Variants in FNTB observed in about 807,000 individuals in gnomAD.
FNTB encodes the protein protein farnesyltransferase subunit beta.
A neutral mutation model predicts 59.4 loss-of-function variants in FNTB; 27 were observed. The ratio of observed to expected loss-of-function variants is 0.45; its 90% CI spans 0.34 to 0.63. The LOEUF (loss-of-function observed/expected upper bound fraction) is 0.63. Ranked by LOEUF, FNTB falls within the 20% of genes least tolerant of loss-of-function variation. The probability of loss-of-function intolerance (pLI) is 0.02; values close to 1 mark genes in which losing one functional copy is unlikely to be tolerated. For synonymous variants in FNTB, 230 were observed against 220.7 expected (o/e 1.04, Z -0.37); for missense variants, 449 against 559.6 (o/e 0.80, Z 1.99).
At chr14:65,006,266 T>C (rs2139487469) in intron 2 of FNTB, 1 of 1,612,118 alleles carries the variant, frequency 6.2e-7, no homozygotes, top group Non-Finnish European at 8.5e-7. Flanking sequence ...GGTGGGAGGG[T>C]TAACTTCATC....
intron 1 of FNTB, among the ~76,000 whole-genome samples, chr14:65,000,052 T>A (rs1342810232): frequency 6.6e-6 from 1 of 152,194 alleles, no homozygotes; most frequent in African/African-American, 2.4e-5. Context: ...GATTAAGGAG[T>A]TCCTGGCTGG....
rs2061679005 is a variant in FNTB at position 65,011,290 on chromosome 14, G to A, written c.210-1027G>A. Reference sequence around the variant, plus strand: ...CTAAAAATACAAAAATTAGCTGGGTGTGGTGGCACGTGCCTGTAATCCCAG... The same window carrying A: ...CTAAAAATACAAAAATTAGCTGGGTATGGTGGCACGTGCCTGTAATCCCAG... On this transcript the variant is annotated intron_variant, in intron 2 of 11. Coordinates refer to ENST00000246166, the MANE Select transcript of FNTB (RefSeq NM_002028.4). This position sits in a 1 kb window ranked among gnomAD's most constrained non-coding sequence, Gnocchi z 4.0. Among the ~76,000 whole-genome samples, 1 of 152,118 alleles carries A rather than the reference G, an allele frequency of 6.6e-6. No individual in the cohort carries two copies. The highest frequency in any genetic ancestry group is 1.5e-5 in the Non-Finnish European group (1 of 68,016).
chr14:65,032,976 G>C lies in FNTB; in HGVS notation c.692+280G>C, dbSNP rs1018949459. On this transcript the variant is annotated intron_variant, in intron 7 of 11. Transcript: ENST00000246166. This position sits in a 1 kb window ranked among gnomAD's most constrained non-coding sequence, Gnocchi z 5.0. ...ATTTAACCAGTTTTTAGAGCAATTTGACAGTATGTCAAAGGTGCCCTTGCG... is the reference window on the plus strand; with the variant it reads ...ATTTAACCAGTTTTTAGAGCAATTTCACAGTATGTCAAAGGTGCCCTTGCG... 6.6e-6 allele frequency among the ~76,000 whole-genome samples: 1 copy of C among 152,298 alleles called. No individual in the cohort carries two copies. The highest frequency in any genetic ancestry group is 3.4e-3 in the Middle Eastern group (1 of 294).
chr14:64,995,770 CGT>C (rs1566860910), intron 1 of FNTB, among the ~76,000 whole-genome samples: 1 of 149,966 alleles, frequency 6.7e-6, no homozygotes, highest in East Asian at 2.0e-4. Context: ...TGTATATGTA[CGT>C]ATGTATGTAT....
chr14:64,986,999 T>C lies in FNTB; in HGVS notation c.46T>C (p.Ser16Pro), dbSNP rs1322995440. The change falls in exon 1 of 12, where the codon TCC (serine) becomes CCC (proline). Residue 16 changes from serine (S) to proline (P), a missense_variant. Ser to Pro is a moderately conservative substitution (Grantham distance 74). Transcript: ENST00000246166. ...SFTYYCPPSSSPVWSEPLYSL... is the reference protein window; with the variant it reads ...SFTYYCPPSSPPVWSEPLYSL... The stretch of plus-strand genomic sequence containing the variant: ...CACCTACTATTGCCCTCCATCTTCC[T>C]CCCCCGTCTGGTCAGAGCCGCTGTA... 6.2e-7 allele frequency: 1 copy of C among 1,614,078 alleles called. No individual in the cohort carries two copies.
At position 65,015,651 on chromosome 14, in the gene FNTB, C is replaced by T; in HGVS notation, c.309C>T (p.Leu103=). 1 of 1,614,128 alleles carries T rather than the reference C, an allele frequency of 6.2e-7. No homozygotes were observed. The highest frequency in any genetic ancestry group is 8.5e-7 in the Non-Finnish European group (1 of 1,180,024). The part of the protein sequence containing the change: ...YECLDASRPW[L]CYWILHSLEL... ...GTCTGGATGCCAGCCGCCCATGGCT[C>T]TGCTATTGGATCCTGCACAGCTTGG... is the stretch of plus-strand genomic sequence containing the variant. The change falls in exon 4 of 12, where the codon CTC becomes CTT. Residue 103 remains leucine (L), a synonymous_variant. Coordinates refer to ENST00000246166, the MANE Select transcript of FNTB (RefSeq NM_002028.4).
At chr14:65,002,876 T>G (rs2061537407) in intron 1 of FNTB, among the ~76,000 whole-genome samples, 1 of 152,170 alleles carries the variant, frequency 6.6e-6, no homozygotes, top group Non-Finnish European at 1.5e-5. Flanking sequence ...GTGGGGGTTT[T>G]CAAACTGATT....
chr14:65,059,020 TTC>T (rs1205922438), intron 11 of FNTB, among the ~76,000 whole-genome samples: 2 of 152,290 alleles, frequency 1.3e-5, no homozygotes, highest in Non-Finnish European at 2.9e-5. Context: ...CTTACCTTTT[TTC>T]TTTTTCTTTT....
At chr14:65,026,209 C>A (rs1026613834) in intron 4 of FNTB, among the ~76,000 whole-genome samples, 5 of 152,192 alleles carry the variant, frequency 3.3e-5, no homozygotes, top group Admixed American at 3.3e-4. Context: ...TGTGACCCTG[C>A]TGAGCTGTGG....
intron 2 of FNTB, among the ~76,000 whole-genome samples, chr14:65,005,501 CTTTCTTTCTTTCTCTCTCTCTT>C: frequency 7.5e-6 from 1 of 133,450 alleles, no homozygotes; most frequent in Non-Finnish European, 1.5e-5. Flanking sequence ...TTCTTTCTTT[CTTTCTTTCTTTCTCTCTCTCTT>C]TCTCTTTCTC....
rs2062024231 is a variant in FNTB at position 65,028,553 on chromosome 14, T to G, written c.605+772T>G. On this transcript the variant is annotated intron_variant, in intron 6 of 11. Coordinates refer to ENST00000246166, the MANE Select transcript of FNTB (RefSeq NM_002028.4). The surrounding 1 kb of genome is among the most constrained non-coding windows in gnomAD (Gnocchi z 4.4). Reference sequence around the variant, plus strand: ...TGCTTCTACACAAGTTGATTAATAGTCTGGCTTAAGCATCTGGTTTAACCA... The same window carrying G: ...TGCTTCTACACAAGTTGATTAATAGGCTGGCTTAAGCATCTGGTTTAACCA... Among the ~76,000 whole-genome samples, 1 of 152,222 alleles carries G rather than the reference T, an allele frequency of 6.6e-6. No homozygotes were observed. Among genetic ancestry groups the G allele is most frequent in the African/African-American group, 2.4e-5 (1 of 41,448 alleles).
chr14:65,041,841 A>G (rs961067687), intron 8 of FNTB, among the ~76,000 whole-genome samples: 1 of 152,280 alleles, frequency 6.6e-6, no homozygotes. Flanking sequence ...GAACACCAAT[A>G]AGGCATGAAA....
At chr14:65,000,849 T>C (rs1308030602) in intron 1 of FNTB, among the ~76,000 whole-genome samples, 1 of 126,160 alleles carries the variant, frequency 7.9e-6, no homozygotes, top group Non-Finnish European at 1.8e-5. Context: ...AAAGAATAGT[T>C]ACCCAAAAAG....
rs2061759630 is a variant in FNTB at position 65,015,644 on chromosome 14, C to T, written c.302C>T (p.Pro101Leu). ...TCCCAGTGTCTGGATGCCAGCCGCC[C>T]ATGGCTCTGCTATTGGATCCTGCAC... ...DAYECLDASR[P>L]WLCYWILHSL... is the part of the protein sequence containing the mutation. The change falls in exon 4 of 12, where the codon CCA (proline) becomes CTA (leucine). Residue 101 changes from proline to leucine, a missense_variant. Physicochemically the swap from Pro to Leu is moderately conservative, Grantham distance 98. This residue lies in a region of FNTB where 337 missense variants were observed against 479.1 expected (regional missense o/e 0.70). Coordinates refer to ENST00000246166, the MANE Select transcript of FNTB (RefSeq NM_002028.4). The T allele has an allele frequency of 8.1e-6, 13 of 1,614,124 alleles. No individual in the cohort carries two copies. The highest frequency in any genetic ancestry group is 1.1e-5 in the Non-Finnish European group (13 of 1,180,002).
At chr14:65,059,283 G>A (rs1202910296) in intron 11 of FNTB, among the ~76,000 whole-genome samples, 1 of 151,712 alleles carries the variant, frequency 6.6e-6, no homozygotes, top group African/African-American at 2.4e-5. Flanking sequence ...GCCACCCAAA[G>A]TGCTGGGATT....
In FNTB at chr14:64,991,805, G is replaced by A. The variant is rs1177599503; in HGVS notation, c.144+4708G>A. On this transcript the variant is annotated intron_variant, in intron 1 of 11. Coordinates refer to ENST00000246166, the MANE Select transcript of FNTB (RefSeq NM_002028.4). The surrounding 1 kb of genome is among the most constrained non-coding windows in gnomAD (Gnocchi z 4.4). Reference sequence around the variant, plus strand: ...CCATTCAAGGAGGGAGAGCTGTTTTGAGGGAAGACTCAGGCTTGACTGGGG... The same window carrying A: ...CCATTCAAGGAGGGAGAGCTGTTTTAAGGGAAGACTCAGGCTTGACTGGGG... 6.6e-6 allele frequency among the ~76,000 whole-genome samples: 1 copy of A among 152,086 alleles called. No individual in the cohort carries two copies. The highest frequency in any genetic ancestry group is 1.5e-5 in the Non-Finnish European group (1 of 68,020).
rs933422247 is a variant in FNTB, at chr14:65,044,944, G to A, written c.955+501G>A. Among the ~76,000 whole-genome samples, 7 of 152,286 alleles carry A rather than the reference G, an allele frequency of 4.6e-5. No homozygotes were observed. The highest frequency in any genetic ancestry group is 3.4e-3 in the Middle Eastern group (1 of 294). The stretch of plus-strand genomic sequence containing the variant: ...CTACACCATGGAGAAGAGACTCGCC[G>A]TGTCTGACTGGCTGCAGAGTTGTCA... On this transcript the variant is annotated intron_variant, in intron 9 of 11. Coordinates refer to ENST00000246166, the MANE Select transcript of FNTB (RefSeq NM_002028.4). This position sits in a 1 kb window ranked among gnomAD's most constrained non-coding sequence, Gnocchi z 5.5.
Position 65,032,591 on chromosome 14 carries a change from C to T in FNTB, c.606-19C>T. On this transcript the variant is annotated intron_variant, in intron 6 of 11. Transcript: ENST00000246166. This position sits in a 1 kb window ranked among gnomAD's most constrained non-coding sequence, Gnocchi z 5.0. ...CTCTTCCGTAGAGCTTAATGTGTTT[C>T]CCGTTTCTGTCTTTCCAGAAGCGCA... 1 of 1,612,372 alleles carries T rather than the reference C, an allele frequency of 6.2e-7. No homozygotes were observed. The highest frequency in any genetic ancestry group is 8.5e-7 in the Non-Finnish European group (1 of 1,179,674).
Position 64,986,989 on chromosome 14 carries a change from T to G in FNTB, c.36T>G (p.Pro12=), listed in dbSNP as rs141330083. 6.2e-7 allele frequency: 1 copy of G among 1,614,088 alleles called. No individual in the cohort carries two copies. Among genetic ancestry groups the G allele is most frequent in the African/African-American group, 1.3e-5 (1 of 74,928 alleles). Residue 12 remains proline, a synonymous_variant, in exon 1 of 12, where the codon CCT becomes CCG. Coordinates refer to ENST00000246166, the MANE Select transcript of FNTB (RefSeq NM_002028.4). The part of the protein sequence containing the change: ...ASPSSFTYYC[P]PSSSPVWSEP... ...CGAGTTCTTTCACCTACTATTGCCC[T>G]CCATCTTCCTCCCCCGTCTGGTCAG...
Sources: gnomAD v4.1 joint callset for allele counts (sites outside exome capture counted in the v4.1 genomes callset) on GRCh38, gnomAD v4.1.1 for gene constraint, gnomAD v4.1.1 regional missense constraint, Gnocchi (gnomAD v3.1) non-coding constraint, MANE v1.5 for transcripts, NCBI Gene and HGNC (gene_info 2026-07-23, HGNC 2026-07-21) for gene names.